AUTS2: variants seen among roughly 807,000 people sequenced by gnomAD.
AUTS2 encodes autism susceptibility gene 2 protein.
AUTS2 carries 17 observed loss-of-function variants against 112.4 expected under a neutral mutation model. That is an observed-to-expected ratio of 0.15 (90% confidence interval 0.10 to 0.23). The LOEUF is 0.23. Ranked by LOEUF, AUTS2 falls within the 10% of genes least tolerant of loss-of-function variation. The pLI, the probability that AUTS2 is intolerant of heterozygous loss-of-function variation, is 1.00. For synonymous variants in AUTS2, 751 were observed against 702.7 expected (o/e 1.07, Z -1.09); for missense variants, 1,510 against 1,701.6 (o/e 0.89, Z 1.98).
At chr7:69,677,676 A>G (rs926353765) in intron 1 of AUTS2, among the ~76,000 whole-genome samples, 2 of 152,198 alleles carry the variant, frequency 1.3e-5, no homozygotes, top group African/African-American at 2.4e-5. Flanking sequence ...AGATATTCTT[A>G]TAGCCTTCCT....
At chr7:70,389,366 C>T (rs1793749986) in intron 4 of AUTS2, among the ~76,000 whole-genome samples, 1 of 152,156 alleles carries the variant, frequency 6.6e-6, no homozygotes, top group Admixed American at 6.5e-5. Context: ...ACGAAGTTTT[C>T]AGAAAATCTC....
At chr7:70,756,021 T>C (rs1394949784) in intron 6 of AUTS2, among the ~76,000 whole-genome samples, 1 of 152,142 alleles carries the variant, frequency 6.6e-6, no homozygotes, top group Admixed American at 6.6e-5. Flanking sequence ...CCTCCTCAAT[T>C]TTGAAAGTTA....
At chr7:69,726,385 C>T (rs1786517064) in intron 1 of AUTS2, among the ~76,000 whole-genome samples, 2 of 151,862 alleles carry the variant, frequency 1.3e-5, no homozygotes, top group Admixed American at 6.6e-5. Context: ...TTTTTAATTG[C>T]TGAATAGTAC....
chr7:70,506,475 T>A (rs1798966081), intron 5 of AUTS2, among the ~76,000 whole-genome samples: 1 of 152,226 alleles, frequency 6.6e-6, no homozygotes, highest in African/African-American at 2.4e-5. Flanking sequence ...TGAATATGGC[T>A]AACTGTAGTT....
At chr7:69,752,287 C>T (rs1158328694) in intron 1 of AUTS2, among the ~76,000 whole-genome samples, 1 of 152,238 alleles carries the variant, frequency 6.6e-6, no homozygotes, top group Non-Finnish European at 1.5e-5. Flanking sequence ...CAGAACACAG[C>T]TTTGGCTTGC....
chr7:69,778,303 A>T (rs994759561), intron 1 of AUTS2, among the ~76,000 whole-genome samples: 2 of 148,674 alleles, frequency 1.3e-5, no homozygotes, highest in African/African-American at 5.0e-5. Context: ...TTTCTCAGTT[A>T]CCAGATATTG....
intron 4 of AUTS2, among the ~76,000 whole-genome samples, chr7:70,343,036 G>A (rs1791339123): frequency 6.6e-6 from 1 of 152,046 alleles, no homozygotes; most frequent in African/African-American, 2.4e-5. Context: ...CTCAAACCTA[G>A]GGCAGTATTG....
intron 2 of AUTS2, among the ~76,000 whole-genome samples, chr7:69,963,630 G>T (rs1171186197): frequency 6.6e-6 from 1 of 152,190 alleles, no homozygotes; most frequent in African/African-American, 2.4e-5. Flanking sequence ...AAGCTCAATT[G>T]TGAGCCTGGA....
chr7:70,533,215 A>C (rs1256970368), intron 5 of AUTS2, among the ~76,000 whole-genome samples: 2 of 152,148 alleles, frequency 1.3e-5, no homozygotes, highest in African/African-American at 2.4e-5. Context: ...ATTCAATCTC[A>C]AGCAATCCTC....
At chr7:69,761,471 TTAATG>T (rs1305894928) in intron 1 of AUTS2, among the ~76,000 whole-genome samples, 1 of 152,154 alleles carries the variant, frequency 6.6e-6, no homozygotes, top group African/African-American at 2.4e-5. Flanking sequence ...TCCTGGGCTG[TTAATG>T]TTAAATAGTT....
intron 3 of AUTS2, among the ~76,000 whole-genome samples, chr7:70,120,847 A>G (rs970753061): frequency 2.3e-4 from 35 of 152,228 alleles, no homozygotes; most frequent in African/African-American, 8.0e-4. Flanking sequence ...ATGGAAAAGC[A>G]GATTCTCAAA....
intron 4 of AUTS2, among the ~76,000 whole-genome samples, chr7:70,281,530 A>G (rs1281200864): frequency 6.6e-6 from 1 of 152,242 alleles, no homozygotes; most frequent in Non-Finnish European, 1.5e-5. Context: ...AAAGACATTC[A>G]GAGAATAGAA....
At chr7:70,226,281 A>G (rs1235151236) in intron 4 of AUTS2, among the ~76,000 whole-genome samples, 4 of 151,714 alleles carry the variant, frequency 2.6e-5, no homozygotes, top group Non-Finnish European at 5.9e-5. Context: ...TCCACCTCCC[A>G]GGTTCATGCC....
At chr7:70,180,299 A>G (rs1268341342) in intron 4 of AUTS2, among the ~76,000 whole-genome samples, 1 of 152,254 alleles carries the variant, frequency 6.6e-6, no homozygotes, top group East Asian at 1.9e-4. Context: ...AAATGGAAGA[A>G]AATACTTTAT....
intron 1 of AUTS2, among the ~76,000 whole-genome samples, chr7:69,667,054 C>A (rs1796083893): frequency 6.6e-6 from 1 of 152,090 alleles, no homozygotes; most frequent in South Asian, 2.1e-4. Context: ...GTTGAGGGGC[C>A]ACATCTGGTG....
intron 2 of AUTS2, among the ~76,000 whole-genome samples, chr7:69,989,851 C>T (rs544352612): frequency 3.3e-4 from 50 of 152,168 alleles, no homozygotes; most frequent in African/African-American, 9.9e-4. Flanking sequence ...AGATCAGCGG[C>T]GGCATTAGAC....
rs569389723 is a variant in AUTS2 at position 70,191,473 on chromosome 7, C to T, written c.660+56902C>T. ...GGCGTGAGCCACCACACCCAGCCCA[C>T]TTATTTCTTAATGATGGGAAAACTG... On this transcript the variant is annotated intron_variant, in intron 4 of 18. Transcript: ENST00000342771. 4.6e-5 allele frequency among the ~76,000 whole-genome samples: 7 copies of T among 152,196 alleles called. No homozygotes were observed. The East Asian group carries it at 7.8e-4, about 17-fold the overall frequency.
intron 1 of AUTS2, among the ~76,000 whole-genome samples, chr7:69,876,345 AAAAAATATATATATATATATATAT>A (rs1471381076): frequency 3.0e-5 from 2 of 66,148 alleles, no homozygotes; most frequent in South Asian, 5.7e-4. Context: ...AAAAAAAAAA[AAAAAATATATATATATATATATAT>A]ATATATATAT....
intron 6 of AUTS2, among the ~76,000 whole-genome samples, chr7:70,753,836 A>C (rs1380498348): frequency 6.6e-6 from 1 of 152,190 alleles, no homozygotes; most frequent in Non-Finnish European, 1.5e-5. Flanking sequence ...GTTTGAGGCA[A>C]CAGAATAGAC....
Sources: allele counts gnomAD v4.1 joint callset (sites outside exome capture counted in the v4.1 genomes callset), GRCh38; gene constraint gnomAD v4.1.1; transcripts MANE v1.5; gene names NCBI Gene and HGNC (gene_info 2026-07-23, HGNC 2026-07-21).